Variants in ESRRB observed in about 807,000 individuals in gnomAD.
The protein encoded by ESRRB is steroid hormone receptor ERR2.
Under a neutral mutation model 46.0 loss-of-function variants are expected in ESRRB, and 16 were observed. That is an observed-to-expected ratio of 0.35 (90% CI 0.24 to 0.53). ESRRB has a LOEUF of 0.53. ESRRB is among the 20% of genes least tolerant of loss of function. The pLI, the probability that ESRRB is intolerant of heterozygous loss-of-function variation, is 0.93. For missense variants in ESRRB, 488 were observed against 607.4 expected (o/e 0.80, Z 2.07); for synonymous variants, 246 against 259.6 (o/e 0.95, Z 0.50).
intron 2 of ESRRB, among the ~76,000 whole-genome samples, chr14:76,447,249 CCTT>C (rs1888187832): frequency 2.2e-5 from 1 of 45,358 alleles, no homozygotes; most frequent in Admixed American, 1.9e-4. Context: ...AAGTCTCCTT[CCTT>C]CCTTCCTTCC....
At chr14:76,330,710 A>T (rs559789468) in intron 1 of ESRRB, among the ~76,000 whole-genome samples, 1 of 152,298 alleles carries the variant, frequency 6.6e-6, no homozygotes, top group African/African-American at 2.4e-5. Flanking sequence ...AAACACAGGT[A>T]TGGAGGAAGC....
At chr14:76,417,477 A>T (rs1886754980) in intron 1 of ESRRB, among the ~76,000 whole-genome samples, 1 of 152,180 alleles carries the variant, frequency 6.6e-6, no homozygotes, top group Non-Finnish European at 1.5e-5. Context: ...AGTTCCCATT[A>T]TTCCACAATT....
rs1012986046 is a variant in ESRRB at position 76,376,268 on chromosome 14, C to T, written c.-134C>T. ...GCCTCCCTCTCCCCCGCCGCGGCCG[C>T]CTCCTCCCACTCTGCGTTCTCGCGC... On this transcript the variant is annotated 5_prime_UTR_variant, in exon 1 of 7. Transcript: ENST00000644823. The surrounding 1 kb of genome is among the most constrained non-coding windows in gnomAD (Gnocchi z 4.1). 1.2e-5 allele frequency: 7 copies of T among 587,672 alleles called. No homozygotes were observed. The highest frequency in any genetic ancestry group is 1.5e-5 in the Non-Finnish European group (6 of 399,704). 36.4% of individuals were successfully genotyped at this position (587,672 alleles called of 1,614,324 possible). A position where few individuals can be genotyped will look rare whatever the true frequency, so the allele number is the denominator to read the frequency against.
At chr14:76,437,240 C>T (rs1239786903) in intron 1 of ESRRB, among the ~76,000 whole-genome samples, 2 of 152,128 alleles carry the variant, frequency 1.3e-5, no homozygotes, top group East Asian at 3.9e-4. Context: ...CCATGTTGGC[C>T]AGGCTGGTCT....
rs183253059 is a variant in ESRRB, at chr14:76,409,296, G to A, written c.51-30045G>A. On this transcript the variant is annotated intron_variant, in intron 1 of 6. Transcript: ENST00000644823. The stretch of plus-strand genomic sequence containing the variant: ...ATCTCTTTTTGGGCCTCCAGCGGGT[G>A]AAAGTTAAAATGACAAGCAGCCTAA... Among the ~76,000 whole-genome samples, 220 of 152,258 alleles carry A rather than the reference G, an allele frequency of 1.4e-3. 1 individual carries two copies. Among genetic ancestry groups the A allele is most frequent in the African/African-American group, 5.1e-3 (211 of 41,562 alleles).
intron 2 of ESRRB, among the ~76,000 whole-genome samples, chr14:76,444,396 A>G (rs1252103433): frequency 6.6e-6 from 1 of 152,180 alleles, no homozygotes; most frequent in Non-Finnish European, 1.5e-5. Context: ...AAGTACAGAC[A>G]GGAGAAAAAT....
At chr14:76,418,620 G>A (rs1023084534) in intron 1 of ESRRB, among the ~76,000 whole-genome samples, 1 of 151,942 alleles carries the variant, frequency 6.6e-6, no homozygotes, top group East Asian at 1.9e-4. Context: ...TTGATTGTTT[G>A]TTTGCTTGTT....
chr14:76,462,126 C>T (rs1888889022), intron 2 of ESRRB, among the ~76,000 whole-genome samples: 1 of 152,168 alleles, frequency 6.6e-6, no homozygotes, highest in Non-Finnish European at 1.5e-5. Flanking sequence ...GCTTTTCCCA[C>T]ATGTTGGGGT....
intron 3 of ESRRB, among the ~76,000 whole-genome samples, chr14:76,467,042 G>A (rs562557609): frequency 4.7e-4 from 71 of 152,010 alleles, no homozygotes; most frequent in Non-Finnish European, 9.9e-4. Flanking sequence ...TATTACTCAC[G>A]CCCACCTGCT....
Position 76,462,558 on chromosome 14 carries a change from C to T in ESRRB, c.474C>T (p.Tyr158=), listed in dbSNP as rs914428602. The T allele has an allele frequency of 1.2e-6, 2 of 1,613,754 alleles. No individual in the cohort carries two copies. The highest frequency in any genetic ancestry group is 2.7e-5 in the African/African-American group (2 of 74,928). ...GTCTGGTTGCAGGGAACATTGAGTA[C>T]AGCTGCCCGGCCACCAACGAGTGCG... ...FKRTIQGNIE[Y]SCPATNECEI... The change falls in exon 3 of 7, where the codon TAC becomes TAT. Residue 158 remains tyrosine (Y), a synonymous_variant. Coordinates refer to ENST00000644823, the MANE Select transcript of ESRRB (RefSeq NM_001379180.1).
intron 2 of ESRRB, among the ~76,000 whole-genome samples, chr14:76,452,636 A>G (rs1888437289): frequency 2.9e-5 from 4 of 139,188 alleles, no homozygotes; most frequent in Admixed American, 2.9e-4. Context: ...AAAAAACAAA[A>G]CAAAAACAAA....
At chr14:76,420,052 C>A (rs1886875548) in intron 1 of ESRRB, among the ~76,000 whole-genome samples, 2 of 152,210 alleles carry the variant, frequency 1.3e-5, no homozygotes, top group Non-Finnish European at 2.9e-5. Context: ...CAGGCCATTG[C>A]ATTACAGTGA....
At chr14:76,430,511 A>C (rs1171783006) in intron 1 of ESRRB, among the ~76,000 whole-genome samples, 1 of 152,072 alleles carries the variant, frequency 6.6e-6, no homozygotes, top group Non-Finnish European at 1.5e-5. Flanking sequence ...GGGTTTAACC[A>C]CAGGCCTGCC....
intron 5 of ESRRB, among the ~76,000 whole-genome samples, chr14:76,484,920 G>T (rs1889945914): frequency 6.6e-6 from 1 of 152,192 alleles, no homozygotes; most frequent in Admixed American, 6.5e-5. Flanking sequence ...GATGTAGCGC[G>T]CTTAGTGTGT....
intron 2 of ESRRB, among the ~76,000 whole-genome samples, chr14:76,449,609 G>T (rs957162047): frequency 6.6e-6 from 1 of 151,984 alleles, no homozygotes; most frequent in Non-Finnish European, 1.5e-5. Flanking sequence ...ATTCACTCAG[G>T]CAAGGAGCAT....
intron 1 of ESRRB, among the ~76,000 whole-genome samples, chr14:76,332,735 A>T (rs1455568672): frequency 5.1e-5 from 1 of 19,472 alleles, no homozygotes; most frequent in East Asian, 3.4e-3. Context: ...ATATTTATAT[A>T]TTATATATTT....
At position 76,358,401 on chromosome 14, in the gene ESRRB, A is replaced by T. The variant is rs1393678569; in HGVS notation, c.2+47485A>T. 1.5e-5 allele frequency among the ~76,000 whole-genome samples: 2 copies of T among 129,558 alleles called. 1 individual carries two copies. Among genetic ancestry groups the T allele is most frequent in the Non-Finnish European group, 3.3e-5 (2 of 59,830 alleles). The allele number at this position is 129,558 out of a possible 152,430, so 85.0% of individuals were successfully genotyped here. A position where few individuals can be genotyped will look rare whatever the true frequency, so the allele number is the denominator to read the frequency against. The stretch of plus-strand genomic sequence containing the variant: ...AAAGAAAGAAAGAAAGAAAGAAAGA[A>T]AGAAAGAAAGAAAAGAAAAGAAAAA... On this transcript the variant is annotated intron_variant, in intron 1 of 6. Transcript: ENST00000512784.
intron 5 of ESRRB, among the ~76,000 whole-genome samples, chr14:76,487,406 G>A (rs956536635): frequency 2.7e-4 from 41 of 152,002 alleles, no homozygotes; most frequent in African/African-American, 8.2e-4. Context: ...TGCCCCCTTG[G>A]CTGTCTTTCC....
Position 76,380,261 on chromosome 14 carries a change from G to A in ESRRB, c.50+3810G>A, listed in dbSNP as rs148662985. 3.0e-4 allele frequency among the ~76,000 whole-genome samples: 45 copies of A among 152,278 alleles called. No homozygotes were observed. The East Asian group carries it at 7.7e-3, about 26-fold the overall frequency. On this transcript the variant is annotated intron_variant, in intron 1 of 6. Coordinates refer to ENST00000644823, the MANE Select transcript of ESRRB (RefSeq NM_001379180.1). ...TTCTGATGGGCCGGAGGAAGGATGC[G>A]TGTGACAGAGAGACATTGAGGGAGC... is the stretch of plus-strand genomic sequence containing the variant.
Sources: allele counts gnomAD v4.1 joint callset (sites outside exome capture counted in the v4.1 genomes callset), GRCh38; gene constraint gnomAD v4.1.1; non-coding constraint Gnocchi (gnomAD v3.1); transcripts MANE v1.5; gene names NCBI Gene and HGNC (gene_info 2026-07-23, HGNC 2026-07-21).